The following CTNNBL1 variants were observed in gnomAD, a reference collection of about 807,000 sequenced individuals.
CTNNBL1 encodes beta-catenin-like protein 1.
Under a neutral mutation model 72.7 loss-of-function variants are expected in CTNNBL1, and 31 were observed. That is an observed-to-expected ratio of 0.43 (90% confidence interval 0.32 to 0.58). The LOEUF is 0.58. Among genes scored for constraint, CTNNBL1 ranks in the 20% least tolerant of loss-of-function variants. CTNNBL1 has a pLI of 0.08. For missense variants in CTNNBL1, 534 were observed against 725.1 expected, an observed-to-expected ratio of 0.74 and a Z score of 3.03; for synonymous variants, 240 against 267.3, an observed-to-expected ratio of 0.90 and a Z score of 1.00.
rs558467081 is a variant in CTNNBL1, at chr20:37,871,592, G to A, written c.1604-333G>A. ...ACCTAATCACCCCATAAAGGCCTTC[G>A]ATGCGTTGAGGATGAGGTTTCAGCA... On this transcript the variant is annotated intron_variant, in intron 15 of 15. Transcript: ENST00000361383. 8.5e-5 allele frequency among the ~76,000 whole-genome samples: 13 copies of A among 152,202 alleles called. No individual in the cohort carries two copies. In the East Asian group the frequency reaches 9.6e-4, roughly 11 times the overall value.
At chr20:37,799,932 G>T (rs904003962) in intron 10 of CTNNBL1, among the ~76,000 whole-genome samples, 1 of 152,256 alleles carries the variant, frequency 6.6e-6, no homozygotes, top group East Asian at 1.9e-4. Flanking sequence ...AGTAAACCAG[G>T]ATGGCCTGTA....
chr20:37,823,922 C>G (rs1396124764), intron 11 of CTNNBL1, among the ~76,000 whole-genome samples: 1 of 152,226 alleles, frequency 6.6e-6, no homozygotes, highest in Non-Finnish European at 1.5e-5. Flanking sequence ...GAGCAAACCA[C>G]TGAAAAGGAC....
At chr20:37,810,697 G>A (rs139612892) in intron 11 of CTNNBL1, among the ~76,000 whole-genome samples, 4 of 152,300 alleles carry the variant, frequency 2.6e-5, no homozygotes, top group African/African-American at 4.8e-5. Context: ...AGTACTCTTC[G>A]AAGGATACAT....
intron 11 of CTNNBL1, among the ~76,000 whole-genome samples, chr20:37,818,363 C>T (rs1324794564): frequency 1.3e-5 from 2 of 152,170 alleles, no homozygotes; most frequent in African/African-American, 4.8e-5. Flanking sequence ...ATCCTCCAGT[C>T]TCCCTGAGAT....
At chr20:37,800,883 G>C (rs978681514) in intron 10 of CTNNBL1, among the ~76,000 whole-genome samples, 7 of 152,166 alleles carry the variant, frequency 4.6e-5, no homozygotes, top group Non-Finnish European at 8.8e-5. Flanking sequence ...CTCTGTGCTT[G>C]CTGTTCCTCC....
chr20:37,697,735 A>G (rs1175402992), intron 1 of CTNNBL1, among the ~76,000 whole-genome samples: 1 of 152,158 alleles, frequency 6.6e-6, no homozygotes, highest in African/African-American at 2.4e-5. Flanking sequence ...TCTCCTTATT[A>G]TTATTTTTTA....
At chr20:37,745,298 C>G (rs1456552486) in intron 3 of CTNNBL1, among the ~76,000 whole-genome samples, 2 of 152,114 alleles carry the variant, frequency 1.3e-5, no homozygotes, top group Non-Finnish European at 2.9e-5. Context: ...TGTGTGACTT[C>G]AAGAGTCCCT....
At chr20:37,700,644 G>A (rs1027675739) in intron 1 of CTNNBL1, among the ~76,000 whole-genome samples, 3 of 152,204 alleles carry the variant, frequency 2.0e-5, no homozygotes, top group African/African-American at 4.8e-5. Context: ...TCATCAAGAA[G>A]TGTGCCCAGC....
chr20:37,859,970 G>A lies in CTNNBL1; in HGVS notation c.1464G>A (p.Ala488=), dbSNP rs765561343. 1.4e-5 allele frequency: 22 copies of A among 1,614,012 alleles called. No homozygotes were observed. The highest frequency in any genetic ancestry group is 1.6e-4 in the Middle Eastern group (1 of 6,084). ...AGTTCTACCTCCGGCGCCTGGATGC[G>A]GGGCTCTTTGTTCTCCAGCACATCT... is the stretch of plus-strand genomic sequence containing the variant. ...EEEFYLRRLD[A]GLFVLQHICY... Residue 488 remains alanine (A), a synonymous_variant, in exon 14 of 16, where the codon GCG becomes GCA. Coordinates refer to ENST00000361383, the MANE Select transcript of CTNNBL1 (RefSeq NM_030877.5).
intron 1 of CTNNBL1, among the ~76,000 whole-genome samples, chr20:37,719,910 G>A (rs1433384228): frequency 2.0e-5 from 3 of 150,176 alleles, no homozygotes; most frequent in Non-Finnish European, 4.4e-5. Flanking sequence ...ATGTGATCTC[G>A]GCTCACTGCT....
intron 1 of CTNNBL1, among the ~76,000 whole-genome samples, chr20:37,722,363 A>T (rs994414189): frequency 2.6e-5 from 4 of 152,078 alleles, no homozygotes; most frequent in Non-Finnish European, 4.4e-5. Flanking sequence ...AGTCCCAGCC[A>T]CTTGGGAGGC....
intron 1 of CTNNBL1, among the ~76,000 whole-genome samples, chr20:37,728,735 G>T (rs1322656580): frequency 6.6e-6 from 1 of 152,204 alleles, no homozygotes; most frequent in Non-Finnish European, 1.5e-5. Flanking sequence ...GTTGGAGAGG[G>T]AGGTGGGAGC....
intron 1 of CTNNBL1, among the ~76,000 whole-genome samples, chr20:37,703,580 C>T (rs531874520): frequency 8.5e-5 from 13 of 152,244 alleles, no homozygotes; most frequent in African/African-American, 3.1e-4. Flanking sequence ...CTTAGTTCAC[C>T]GTCCCTGATT....
At chr20:37,706,692 A>G (rs1157452955) in intron 1 of CTNNBL1, among the ~76,000 whole-genome samples, 5 of 152,234 alleles carry the variant, frequency 3.3e-5, no homozygotes, top group Middle Eastern at 3.2e-3. Context: ...TAATGTTAAT[A>G]TATTGTCCTC....
intron 1 of CTNNBL1, chr20:37,695,040 A>G (rs972100077): frequency 6.6e-6 from 1 of 152,246 alleles, no homozygotes; most frequent in Admixed American, 6.5e-5. Flanking sequence ...TACTGTAAGT[A>G]TAAAGACACA....
chr20:37,763,714 G>A (rs767029355), intron 5 of CTNNBL1, among the ~76,000 whole-genome samples: 26 of 152,062 alleles, frequency 1.7e-4, no homozygotes, highest in African/African-American at 5.1e-4. Flanking sequence ...ATTCTCTCCC[G>A]TCATTGAATT....
chr20:37,759,077 C>A (rs1340747803), intron 5 of CTNNBL1, among the ~76,000 whole-genome samples: 2 of 152,206 alleles, frequency 1.3e-5, no homozygotes, highest in Non-Finnish European at 2.9e-5. Flanking sequence ...CCAGCAGGGC[C>A]ATTTATGACC....
chr20:37,871,456 G>C (rs150860331), intron 15 of CTNNBL1, among the ~76,000 whole-genome samples: 1 of 152,266 alleles, frequency 6.6e-6, no homozygotes, highest in Non-Finnish European at 1.5e-5. Flanking sequence ...ATTGCAGAAG[G>C]GGGAAGGGCA....
At chr20:37,793,052 C>A (rs2073739505) in intron 10 of CTNNBL1, among the ~76,000 whole-genome samples, 1 of 152,056 alleles carries the variant, frequency 6.6e-6, no homozygotes, top group Non-Finnish European at 1.5e-5. Context: ...TGTTTTTGGC[C>A]CAGAATACAT....
Sources: gnomAD v4.1 joint callset for allele counts (sites outside exome capture counted in the v4.1 genomes callset) on GRCh38, gnomAD v4.1.1 for gene constraint, MANE v1.5 for transcripts, NCBI Gene and HGNC (gene_info 2026-07-23, HGNC 2026-07-21) for gene names.